Variants in GLIS3 observed in about 807,000 individuals in gnomAD.
GLIS3 encodes the protein zinc finger protein GLIS3.
Under a neutral mutation model 78.6 loss-of-function variants are expected in GLIS3, and 53 were observed. That is an observed-to-expected ratio of 0.67 (90% confidence interval 0.54 to 0.85). The LOEUF is 0.85. Ranked by LOEUF, GLIS3 falls within the 40% of genes least tolerant of loss-of-function variation. The probability of loss-of-function intolerance (pLI) is 0.00; values close to 1 mark genes in which losing one functional copy is unlikely to be tolerated. For missense variants in GLIS3, 1,703 were observed against 1,231.1 expected, an observed-to-expected ratio of 1.38 and a Z score of -5.74; for synonymous variants, 684 against 509.9, an observed-to-expected ratio of 1.34 and a Z score of -4.60.
intron 4 of GLIS3, chr9:4,070,785 C>T (rs1421677956): frequency 6.6e-6 from 1 of 152,180 alleles, no homozygotes; most frequent in Non-Finnish European, 1.5e-5. Context: ...ATTAAGTCAT[C>T]TGTTGCCAGC....
In GLIS3 at chr9:3,905,066, A is replaced by G. The variant is rs1253649619; in HGVS notation, c.1984-6231T>C. Among the ~76,000 whole-genome samples, 12 of 147,870 alleles carry G rather than the reference A, an allele frequency of 8.1e-5. No homozygotes were observed. In the East Asian group the frequency reaches 1.4e-3, roughly 17 times the overall value. On this transcript the variant is annotated intron_variant, in intron 6 of 10. Transcript: ENST00000381971. ...CGGCTCACTGCAAGCTCTGCCTCCC[A>G]GGTTCATGCCATTCTCCTGCCTCAG...
intron 2 of GLIS3, among the ~76,000 whole-genome samples, chr9:4,140,016 G>A (rs777531215): frequency 3.9e-5 from 6 of 152,076 alleles, no homozygotes; most frequent in Non-Finnish European, 8.8e-5. Context: ...AGGCAAAATC[G>A]CAGCCAATTC....
intron 2 of GLIS3, among the ~76,000 whole-genome samples, chr9:4,203,487 C>A (rs1184059170): frequency 6.6e-6 from 1 of 152,082 alleles, no homozygotes; most frequent in African/African-American, 2.4e-5. Context: ...CACATGTAGC[C>A]TGGAACTTAA....
At chr9:4,485,064 G>C in the GLIS3 span, among the ~76,000 whole-genome samples, 8 of 151,936 alleles carry the variant, frequency 5.3e-5, no homozygotes, top group South Asian at 1.7e-3. Flanking sequence ...GACCAGGCTG[G>C]AGTGCAGTGG....
the GLIS3 span, among the ~76,000 whole-genome samples, chr9:4,396,033 A>G: frequency 0.027 from 4,133 of 151,940 alleles, 84 homozygotes; most frequent in South Asian, 0.085. Context: ...CGGCCTCCCA[A>G]AGTGCTGGGA....
At chr9:3,900,615 T>A (rs1823223060) in intron 6 of GLIS3, among the ~76,000 whole-genome samples, 1 of 152,208 alleles carries the variant, frequency 6.6e-6, no homozygotes, top group Non-Finnish European at 1.5e-5. Context: ...TACCTCAATT[T>A]GATGGACTAT....
the GLIS3 span, among the ~76,000 whole-genome samples, chr9:4,395,697 T>C: frequency 6.6e-6 from 1 of 152,230 alleles, no homozygotes; most frequent in African/African-American, 2.4e-5. Context: ...GAATTTATTT[T>C]ATGTCTGATG....
chr9:3,993,380 T>C (rs547127756), intron 4 of GLIS3, among the ~76,000 whole-genome samples: 55 of 152,332 alleles, frequency 3.6e-4, no homozygotes, highest in African/African-American at 1.3e-3. Flanking sequence ...TTCTCGTTAA[T>C]ATTAGTAGTA....
chr9:4,125,151 A>G (rs1486067729), intron 3 of GLIS3, among the ~76,000 whole-genome samples: 2 of 152,226 alleles, frequency 1.3e-5, no homozygotes, highest in Non-Finnish European at 2.9e-5. Context: ...ACTCAAACAC[A>G]AAAGTATGCC....
At chr9:4,282,612 G>A (rs533231649) in intron 2 of GLIS3, among the ~76,000 whole-genome samples, 1 of 152,186 alleles carries the variant, frequency 6.6e-6, no homozygotes, top group African/African-American at 2.4e-5. Context: ...CTAGTTCTCA[G>A]GCCTTCAGAC....
chr9:4,147,227 G>A (rs936308850), intron 2 of GLIS3: 2 of 151,986 alleles, frequency 1.3e-5, no homozygotes, highest in South Asian at 2.1e-4. Context: ...CTTCCTTCAC[G>A]TACCTCCATT....
intron 4 of GLIS3, among the ~76,000 whole-genome samples, chr9:4,012,750 CTTTTTTTTCTTTTTCTTTTTTTTT>C (rs1291496282): frequency 1.5e-4 from 16 of 105,348 alleles, no homozygotes; most frequent in Non-Finnish European, 3.3e-4. Context: ...TCTCTGGTTT[CTTTTTTTTCTTTTTCTTTTTTTTT>C]TTTTTTTTTT....
rs116804585 is a variant in GLIS3, at chr9:3,943,670, T to C, written c.1711-6481A>G. On this transcript the variant is annotated intron_variant, in intron 4 of 10. Coordinates refer to ENST00000381971, the MANE Select transcript of GLIS3 (RefSeq NM_001042413.2). ...TATCTAAATAGATTTGCACTTGCAT[T>C]TCCTACAACAATCTTCAAAGTTTCC... Among the ~76,000 whole-genome samples, 902 of 152,306 alleles carry C rather than the reference T, an allele frequency of 5.9e-3. 13 individuals carry two copies. Among genetic ancestry groups the C allele is most frequent in the African/African-American group, 0.021 (866 of 41,558 alleles).
chr9:3,922,076 C>T (rs1418343915), intron 6 of GLIS3, among the ~76,000 whole-genome samples: 1 of 152,156 alleles, frequency 6.6e-6, no homozygotes, highest in Non-Finnish European at 1.5e-5. Context: ...TTATTTGAAG[C>T]ACTTTAGGAT....
intron 4 of GLIS3, among the ~76,000 whole-genome samples, chr9:4,112,577 C>T (rs914792988): frequency 2.6e-5 from 4 of 152,080 alleles, no homozygotes; most frequent in African/African-American, 7.2e-5. Flanking sequence ...ACGGGTACTT[C>T]GGATGATTCC....
chr9:4,099,691 G>C (rs770430981), intron 4 of GLIS3, among the ~76,000 whole-genome samples: 5 of 152,122 alleles, frequency 3.3e-5, no homozygotes, highest in Non-Finnish European at 7.3e-5. Context: ...CTCTCTCTAA[G>C]TCCCTTCCCA....
At chr9:4,017,618 G>A (rs1822544391) in intron 4 of GLIS3, among the ~76,000 whole-genome samples, 1 of 152,118 alleles carries the variant, frequency 6.6e-6, no homozygotes, top group Admixed American at 6.5e-5. Context: ...AGGTGGCGAG[G>A]GTTTAGACAC....
intron 4 of GLIS3, among the ~76,000 whole-genome samples, chr9:4,059,842 G>GAGAGAC (rs1826493121): frequency 6.6e-6 from 1 of 150,734 alleles, no homozygotes; most frequent in Non-Finnish European, 1.5e-5. Flanking sequence ...GAGAGAGAGA[G>GAGAGAC]AGAGAGAGAG....
At chr9:4,428,506 A>G in the GLIS3 span, among the ~76,000 whole-genome samples, 1 of 151,060 alleles carries the variant, frequency 6.6e-6, no homozygotes, top group East Asian at 1.9e-4. Context: ...AAAAAAAAAA[A>G]ATTCAGGCCT....
Sources: allele counts gnomAD v4.1 joint callset (sites outside exome capture counted in the v4.1 genomes callset), GRCh38; gene constraint gnomAD v4.1.1; transcripts MANE v1.5; gene names NCBI Gene and HGNC (gene_info 2026-07-23, HGNC 2026-07-21).